The following ROR1 variants were observed in gnomAD, a reference collection of about 807,000 sequenced individuals.
ROR1 encodes inactive tyrosine-protein kinase transmembrane receptor ROR1.
In ROR1, 19 loss-of-function variants were observed where a neutral mutation model predicts 78.8. The ratio of observed to expected loss-of-function variants is 0.24; its 90% CI spans 0.17 to 0.35. The LOEUF is 0.35. Among genes scored for constraint, ROR1 ranks in the 10% least tolerant of loss-of-function variants. The probability of loss-of-function intolerance (pLI) is 1.00; values close to 1 mark genes in which losing one functional copy is unlikely to be tolerated. For missense variants in ROR1, 917 were observed against 1,177.8 expected, an observed-to-expected ratio of 0.78 and a Z score of 3.24; for synonymous variants, 386 against 433.6, an observed-to-expected ratio of 0.89 and a Z score of 1.36.
intron 1 of ROR1, among the ~76,000 whole-genome samples, chr1:63,974,300 G>T (rs970537273): frequency 1.3e-5 from 2 of 151,964 alleles, no homozygotes; most frequent in African/African-American, 4.8e-5. Flanking sequence ...TTAGCAAAAT[G>T]GAAATATTAA....
At chr1:63,969,379 G>C (rs1035871586) in intron 1 of ROR1, among the ~76,000 whole-genome samples, 26 of 152,098 alleles carry the variant, frequency 1.7e-4, no homozygotes, top group Non-Finnish European at 2.2e-4. Flanking sequence ...GAGAGTTTCA[G>C]GCTCTCCTGT....
intron 2 of ROR1, among the ~76,000 whole-genome samples, chr1:64,016,607 C>T (rs1646522304): frequency 6.6e-6 from 1 of 151,856 alleles, no homozygotes; most frequent in South Asian, 2.1e-4. Flanking sequence ...AAAGGAAATG[C>T]TCTCATATCC....
chr1:63,806,018 C>CA (rs1644826143), intron 1 of ROR1, among the ~76,000 whole-genome samples: 2 of 152,078 alleles, frequency 1.3e-5, no homozygotes, highest in African/African-American at 2.4e-5. Context: ...GACGCTGTCT[C>CA]AAAAAATAAA....
rs746949797 is a variant in ROR1, at chr1:64,177,596, G to A, written c.1555G>A (p.Glu519Lys). ...KDYNNPQQWT[E>K]FQQEASLMAE... Reference sequence around the variant, plus strand: ...CTATAACAACCCCCAGCAATGGACGGAATTTCAACAAGAAGCCTCCCTAAT... The same window carrying A: ...CTATAACAACCCCCAGCAATGGACGAAATTTCAACAAGAAGCCTCCCTAAT... The change falls in exon 9 of 9, where the codon GAA becomes AAA. Residue 519 changes from glutamate to lysine, a missense_variant. By Grantham distance (56) the Glu-to-Lys change is moderately conservative (BLOSUM62 1). Coordinates refer to ENST00000371079, the MANE Select transcript of ROR1 (RefSeq NM_005012.4). The A allele has an allele frequency of 9.3e-6, 15 of 1,614,164 alleles. No homozygotes were observed. The highest frequency in any genetic ancestry group is 6.6e-5 in the South Asian group (6 of 91,084).
chr1:64,175,342 A>T (rs969104118), intron 8 of ROR1, among the ~76,000 whole-genome samples: 1 of 152,070 alleles, frequency 6.6e-6, no homozygotes, highest in Non-Finnish European at 1.5e-5. Flanking sequence ...AGACCTTCCC[A>T]TACCAGTACA....
At chr1:64,114,737 G>A (rs1648249732) in intron 4 of ROR1, among the ~76,000 whole-genome samples, 1 of 152,060 alleles carries the variant, frequency 6.6e-6, no homozygotes, top group East Asian at 1.9e-4. Flanking sequence ...GAACGATGAG[G>A]GAATCATAGG....
At chr1:64,127,933 C>G (rs1052341598) in intron 4 of ROR1, among the ~76,000 whole-genome samples, 1 of 152,104 alleles carries the variant, frequency 6.6e-6, no homozygotes, top group East Asian at 1.9e-4. Flanking sequence ...CACAGATTTC[C>G]ACCTTAGATG....
chr1:63,957,677 G>A (rs756130493), intron 1 of ROR1, among the ~76,000 whole-genome samples: 10 of 151,704 alleles, frequency 6.6e-5, no homozygotes, highest in Non-Finnish European at 1.5e-4. Flanking sequence ...TTCATCTAAC[G>A]TTTGTCTACA....
At chr1:63,963,370 C>T (rs1646047556) in intron 1 of ROR1, among the ~76,000 whole-genome samples, 1 of 151,856 alleles carries the variant, frequency 6.6e-6, no homozygotes, top group South Asian at 2.1e-4. Flanking sequence ...GAGTTTGATA[C>T]CAGCCTGACC....
At chr1:64,162,258 C>T (rs1649966978) in intron 8 of ROR1, among the ~76,000 whole-genome samples, 1 of 152,168 alleles carries the variant, frequency 6.6e-6, no homozygotes, top group African/African-American at 2.4e-5. Context: ...CTCTCTGCTT[C>T]CATCTCTCTT....
At chr1:63,860,522 C>T (rs1459581153) in intron 1 of ROR1, among the ~76,000 whole-genome samples, 1 of 150,632 alleles carries the variant, frequency 6.6e-6, no homozygotes, top group East Asian at 2.0e-4. Context: ...AGTTCGAGAC[C>T]AGCCTGGCCA....
At chr1:63,910,601 A>G (rs1434465686) in intron 1 of ROR1, among the ~76,000 whole-genome samples, 1 of 152,118 alleles carries the variant, frequency 6.6e-6, no homozygotes, top group Non-Finnish European at 1.5e-5. Flanking sequence ...TGAACCAGTT[A>G]ACTAACCTCC....
In ROR1 at chr1:64,004,858, C is replaced by T. The variant is rs920594798; in HGVS notation, c.92-4447C>T. On this transcript the variant is annotated intron_variant, in intron 1 of 8. Transcript: ENST00000371079. ...AATCAGTGCCAAAAAGTCAATCCTC[C>T]GAGAAACTGCAAAGATAATAGCCCC... Among the ~76,000 whole-genome samples the T allele has an allele frequency of 2.4e-4, 36 of 152,128 alleles. 1 individual carries two copies. The highest frequency in any genetic ancestry group is 9.8e-4 in the Admixed American group (15 of 15,276).
chr1:63,927,434 G>A (rs2100438893), intron 1 of ROR1, among the ~76,000 whole-genome samples: 1 of 147,332 alleles, frequency 6.8e-6, no homozygotes, highest in South Asian at 2.2e-4. Flanking sequence ...GAGGATTTTT[G>A]CATCAATGTT....
intron 1 of ROR1, among the ~76,000 whole-genome samples, chr1:63,807,611 A>G (rs1004190942): frequency 6.6e-6 from 1 of 152,146 alleles, no homozygotes; most frequent in Non-Finnish European, 1.5e-5. Flanking sequence ...AGGTCTTTGC[A>G]ATATTTTGTT....
At chr1:64,133,638 T>A (rs1648999203) in intron 4 of ROR1, among the ~76,000 whole-genome samples, 1 of 152,212 alleles carries the variant, frequency 6.6e-6, no homozygotes, top group African/African-American at 2.4e-5. Context: ...CACCTTGACA[T>A]CATGGTGAGG....
intron 4 of ROR1, among the ~76,000 whole-genome samples, chr1:64,062,948 A>G (rs1569660133): frequency 6.6e-6 from 1 of 152,220 alleles, no homozygotes; most frequent in South Asian, 2.1e-4. Context: ...GCTGGAGCCT[A>G]TGAAATGAAT....
In ROR1 at chr1:64,119,163, C is replaced by T. The variant is rs575025683; in HGVS notation, c.483-18206C>T. ...CTTGGCCTCCCAGTAGAATGCTATA[C>T]GTGCACAACAGGAATTTTGGCGTTT... On this transcript the variant is annotated intron_variant, in intron 4 of 8. Transcript: ENST00000371079. Among the ~76,000 whole-genome samples the T allele has an allele frequency of 5.5e-4, 83 of 152,266 alleles. 1 individual carries two copies. In the Middle Eastern group the frequency reaches 0.017, roughly 31 times the overall value.
At chr1:63,859,567 C>T (rs908234025) in intron 1 of ROR1, among the ~76,000 whole-genome samples, 1 of 152,200 alleles carries the variant, frequency 6.6e-6, no homozygotes, top group Admixed American at 6.5e-5. Context: ...TTCTCCAGAT[C>T]TGGGATACAG....
Sources: gnomAD v4.1 joint callset for allele counts (sites outside exome capture counted in the v4.1 genomes callset) on GRCh38, gnomAD v4.1.1 for gene constraint, MANE v1.5 for transcripts, NCBI Gene and HGNC (gene_info 2026-07-23, HGNC 2026-07-21) for gene names.